The following FRAS1 variants were observed in gnomAD, a reference collection of about 807,000 sequenced individuals.
The protein encoded by FRAS1 is Fraser extracellular matrix complex subunit 1, also known as extracellular matrix organizing protein FRAS1.
In FRAS1, 290 loss-of-function variants were observed where a neutral mutation model predicts 435.2. The ratio of observed to expected loss-of-function variants is 0.67; its 90% CI spans 0.61 to 0.73. FRAS1 has a LOEUF of 0.73. Among genes scored for constraint, FRAS1 ranks in the 30% least tolerant of loss-of-function variants. FRAS1 has a pLI of 0.00. For missense variants in FRAS1, 4,860 were observed against 5,001.5 expected (o/e 0.97, Z 0.85); for synonymous variants, 1,800 against 1,851.0 (o/e 0.97, Z 0.71).
intron 27 of FRAS1, among the ~76,000 whole-genome samples, chr4:78,381,331 TCTCA>T (rs1732007071): frequency 2.6e-5 from 4 of 151,424 alleles, no homozygotes; most frequent in Admixed American, 2.6e-4. Flanking sequence ...TGAGACAGAA[TCTCA>T]CTCTGTCACT....
chr4:78,317,351 C>T lies in FRAS1; in HGVS notation c.1820-17C>T, dbSNP rs746095574. 7 of 1,613,576 alleles carry T rather than the reference C, an allele frequency of 4.3e-6. No homozygotes were observed. The African/African-American group carries it at 6.7e-5, about 15-fold the overall frequency. ...ACCCATGTCCCATGGCGTTCTCCCT[C>T]TCACTCTCTTCCTCAGTTTGTCATA... On this transcript the variant is annotated splice_polypyrimidine_tract_variant and intron_variant, in intron 16 of 73. Transcript: ENST00000512123.
Position 78,317,174 on chromosome 4 carries a change from A to C in FRAS1, c.1820-194A>C, listed in dbSNP as rs1336286894. Among the ~76,000 whole-genome samples, 3 of 152,246 alleles carry C rather than the reference A, an allele frequency of 2.0e-5. No individual in the cohort carries two copies. In the South Asian group the frequency reaches 6.2e-4, roughly 31 times the overall value. On this transcript the variant is annotated intron_variant, in intron 16 of 73. Transcript: ENST00000512123. ...AGGGTAGCTAATAAGCAATATGTAG[A>C]GCATGGCTAAATGGTGGGTAAACGG...
intron 22 of FRAS1, among the ~76,000 whole-genome samples, chr4:78,367,993 G>A (rs1731342441): frequency 6.6e-6 from 1 of 152,052 alleles, no homozygotes; most frequent in Non-Finnish European, 1.5e-5. Context: ...ATAAAGATTT[G>A]CTGATCATAT....
intron 2 of FRAS1, among the ~76,000 whole-genome samples, chr4:78,112,258 A>T (rs925444913): frequency 6.6e-6 from 1 of 152,152 alleles, no homozygotes; most frequent in Non-Finnish European, 1.5e-5. Flanking sequence ...GTCAAAAGCT[A>T]GCTGAAAAAA....
chr4:78,119,767 A>G (rs1718905514), intron 2 of FRAS1, among the ~76,000 whole-genome samples: 2 of 152,192 alleles, frequency 1.3e-5, no homozygotes, highest in Non-Finnish European at 2.9e-5. Context: ...GAGGATCCTG[A>G]GTTTTACTTT....
intron 2 of FRAS1, among the ~76,000 whole-genome samples, chr4:78,069,259 C>T (rs1187086522): frequency 6.6e-6 from 1 of 152,162 alleles, no homozygotes; most frequent in Non-Finnish European, 1.5e-5. Context: ...GTTCATCTCC[C>T]AGGTGAGTAA....
chr4:78,446,416 A>G, intron 42 of FRAS1: 2 of 1,120,464 alleles, frequency 1.8e-6, no homozygotes, highest in South Asian at 2.4e-5. Context: ...TCTTCAAAGT[A>G]TGTTAATACT....
rs751584821 is a variant in FRAS1 at position 78,464,516 on chromosome 4, G to A, written c.6962G>A (p.Arg2321Gln). ...CCCGTCGTACAGAACTTAGGAATGC[G>A]GGTGCAGGAGGGCATGAGGAAGACC... Reference protein sequence around the residue: ...SLPVVQNLGMRVQEGMRKTIT... With the variant: ...SLPVVQNLGMQVQEGMRKTIT... Residue 2321 changes from arginine (R) to glutamine (Q), a missense_variant, in exon 49 of 74, where the codon CGG (arginine) becomes CAG (glutamine). Coordinates refer to ENST00000512123, the MANE Select transcript of FRAS1 (RefSeq NM_025074.7). 1.9e-5 allele frequency: 30 copies of A among 1,613,794 alleles called. No individual in the cohort carries two copies. Among genetic ancestry groups the A allele is most frequent in the South Asian group, 8.8e-5 (8 of 91,084 alleles).
At chr4:78,152,279 T>C (rs1395999234) in intron 2 of FRAS1, among the ~76,000 whole-genome samples, 1 of 152,106 alleles carries the variant, frequency 6.6e-6, no homozygotes, top group Non-Finnish European at 1.5e-5. Context: ...AGGCAGGGTG[T>C]GTCTTAAGGC....
At chr4:78,437,179 C>A (rs1734462723) in intron 38 of FRAS1, among the ~76,000 whole-genome samples, 1 of 152,078 alleles carries the variant, frequency 6.6e-6, no homozygotes. Flanking sequence ...GTAAGATATG[C>A]CTGCCATGAA....
rs929815801 is a variant in FRAS1 at position 78,282,810 on chromosome 4, T to C, written c.1108-10T>C. 3.1e-6 allele frequency: 5 copies of C among 1,613,110 alleles called. No homozygotes were observed. The highest frequency in any genetic ancestry group is 2.2e-5 in the East Asian group (1 of 44,876). ...CTGATGACAATGCTGTTCTTCACTT[T>C]TTTGCGTAGGAGGGAGAGAAGTGGG... is the stretch of plus-strand genomic sequence containing the variant. On this transcript the variant is annotated splice_polypyrimidine_tract_variant and intron_variant, in intron 11 of 73. Transcript: ENST00000512123.
intron 34 of FRAS1, among the ~76,000 whole-genome samples, chr4:78,422,347 A>G (rs1351355815): frequency 6.6e-6 from 1 of 152,040 alleles, no homozygotes; most frequent in African/African-American, 2.4e-5. Flanking sequence ...TTGATAAATA[A>G]CCCCAGGAAT....
chr4:78,123,989 C>T (rs1052265691), intron 2 of FRAS1, among the ~76,000 whole-genome samples: 2 of 152,232 alleles, frequency 1.3e-5, no homozygotes, highest in African/African-American at 2.4e-5. Context: ...GCCTGATTGC[C>T]CTGGCCAGAA....
chr4:78,117,643 C>T (rs1718712206), intron 2 of FRAS1, among the ~76,000 whole-genome samples: 1 of 152,190 alleles, frequency 6.6e-6, no homozygotes, highest in South Asian at 2.1e-4. Flanking sequence ...GGCTTGCATT[C>T]ATCATGTAGT....
chr4:78,507,636 GT>G, intron 62 of FRAS1, 28 bp downstream of exon 62: 4 of 1,562,166 alleles, frequency 2.6e-6, no homozygotes, highest in Non-Finnish European at 3.4e-6. Context: ...AAGGATTGCT[GT>G]TTTACGTCTC....
At chr4:78,203,537 T>TTC (rs932591537) in intron 2 of FRAS1, among the ~76,000 whole-genome samples, 3 of 152,002 alleles carry the variant, frequency 2.0e-5, no homozygotes, top group Middle Eastern at 3.4e-3. Context: ...GTTTCAGCTC[T>TTC]TCTCTCTCTC....
At chr4:78,469,607 G>T in intron 50 of FRAS1, among the ~76,000 whole-genome samples, 1 of 147,948 alleles carries the variant, frequency 6.8e-6, no homozygotes, top group South Asian at 2.3e-4. Context: ...ATTTTAACAC[G>T]GTTTATTGAA....
intron 2 of FRAS1, among the ~76,000 whole-genome samples, chr4:78,130,693 T>A (rs982596222): frequency 9.2e-5 from 14 of 152,282 alleles, no homozygotes; most frequent in Middle Eastern, 3.4e-3. Context: ...CCTATCCTCA[T>A]GAAGCTTATA....
chr4:78,479,437 G>T lies in FRAS1; in HGVS notation c.8162G>T (p.Ser2721Ile). The change falls in exon 56 of 74, where the codon AGC (serine) becomes ATC (isoleucine). Residue 2721 changes from serine to isoleucine, a missense_variant. By Grantham distance (142) the Ser-to-Ile change is moderately radical. Transcript: ENST00000512123. ...YTVPKSAMGS[S>I]LYALESGSDF... ...GTCCCTAAGTCAGCTATGGGAAGTA[G>T]CCTCTATGCTCTAGAATCAGGCTCT... The T allele has an allele frequency of 1.3e-6, 2 of 1,586,126 alleles. No homozygotes were observed. The highest frequency in any genetic ancestry group is 1.7e-6 in the Non-Finnish European group (2 of 1,162,720).
Sources: allele counts gnomAD v4.1 joint callset (sites outside exome capture counted in the v4.1 genomes callset), GRCh38; gene constraint gnomAD v4.1.1; transcripts MANE v1.5; gene names NCBI Gene and HGNC (gene_info 2026-07-23, HGNC 2026-07-21).